Variants in ALPK1 observed in about 807,000 individuals in gnomAD.
ALPK1 encodes alpha-protein kinase 1.
Under a neutral mutation model 120.6 loss-of-function variants are expected in ALPK1, and 110 were observed. The ratio of observed to expected loss-of-function variants is 0.91; its 90% confidence interval spans 0.78 to 1.07. The LOEUF is 1.07. Ranked by LOEUF, ALPK1 falls within the 50% of genes least tolerant of loss-of-function variation. The probability of loss-of-function intolerance (pLI) is 0.00; values close to 1 mark genes in which losing one functional copy is unlikely to be tolerated. For missense variants in ALPK1, 1,498 were observed against 1,483.9 expected (o/e 1.01, Z -0.16); for synonymous variants, 582 against 560.3 (o/e 1.04, Z -0.55).
At chr4:112,359,129 G>C in intron 2 of ALPK1, 1 of 699,768 alleles carries the variant, frequency 1.4e-6, no homozygotes, top group Non-Finnish European at 2.7e-6. Flanking sequence ...CTGTGGCCCA[G>C]CAGCTGGATC....
intron 2 of ALPK1, among the ~76,000 whole-genome samples, chr4:112,322,032 A>G (rs1728887553): frequency 6.6e-6 from 1 of 152,218 alleles, no homozygotes; most frequent in Non-Finnish European, 1.5e-5. Flanking sequence ...CAGAAATTGC[A>G]GAAAACCGTC....
intron 2 of ALPK1, among the ~76,000 whole-genome samples, chr4:112,347,473 C>A (rs944680972): frequency 2.6e-5 from 4 of 152,296 alleles, no homozygotes; most frequent in Non-Finnish European, 1.5e-5. Context: ...ATAATAAATA[C>A]CTTTTCTTCT....
At chr4:112,428,323 C>T (rs1734332570) in intron 9 of ALPK1, among the ~76,000 whole-genome samples, 1 of 152,214 alleles carries the variant, frequency 6.6e-6, no homozygotes, top group Admixed American at 6.5e-5. Flanking sequence ...TGCTGCTCTT[C>T]ACACTGTGCT....
At chr4:112,303,746 A>G (rs910464651) in intron 1 of ALPK1, among the ~76,000 whole-genome samples, 2 of 151,220 alleles carry the variant, frequency 1.3e-5, no homozygotes, top group Non-Finnish European at 2.9e-5. Flanking sequence ...TTTAAGTTCT[A>G]GGGTACATGT....
At chr4:112,405,494 T>C (rs1308099236) in intron 4 of ALPK1, among the ~76,000 whole-genome samples, 1 of 152,166 alleles carries the variant, frequency 6.6e-6, no homozygotes. Flanking sequence ...AATTTTCTCA[T>C]TATAATGAAG....
chr4:112,422,005 T>G (rs1161278132), intron 5 of ALPK1, among the ~76,000 whole-genome samples: 2 of 152,140 alleles, frequency 1.3e-5, no homozygotes, highest in African/African-American at 4.8e-5. Flanking sequence ...TTAAGTAAAA[T>G]ACGGGTGACT....
intron 1 of ALPK1, among the ~76,000 whole-genome samples, chr4:112,305,291 T>G (rs1229767582): frequency 2.0e-5 from 3 of 152,022 alleles, no homozygotes; most frequent in Non-Finnish European, 4.4e-5. Context: ...GTGAAGAAAG[T>G]CATTGGTAGC....
Position 112,416,162 on chromosome 4 carries a change from C to A in ALPK1, c.475+4137C>A, listed in dbSNP as rs1045848281. On this transcript the variant is annotated intron_variant, in intron 5 of 15. Transcript: ENST00000650871. ...ATTCCGATTCAGTAGATCTCTGGTA[C>A]GGCCTGAGATGCTGCTGTTCTGTGA... 2.6e-5 allele frequency among the ~76,000 whole-genome samples: 4 copies of A among 152,118 alleles called. No homozygotes were observed. In the South Asian group the frequency reaches 8.3e-4, roughly 32 times the overall value.
chr4:112,310,699 C>G (rs944901206), intron 1 of ALPK1, among the ~76,000 whole-genome samples: 14 of 152,120 alleles, frequency 9.2e-5, no homozygotes, highest in Admixed American at 2.0e-4. Context: ...AAGTTAATCA[C>G]TAATGGCCTT....
At chr4:112,338,651 A>G (rs574025031) in intron 2 of ALPK1, among the ~76,000 whole-genome samples, 2 of 152,322 alleles carry the variant, frequency 1.3e-5, no homozygotes, top group East Asian at 3.9e-4. Context: ...GAAGGCTGCA[A>G]ATAAAGTCAT....
intron 4 of ALPK1, among the ~76,000 whole-genome samples, chr4:112,404,651 G>T (rs1733083915): frequency 6.6e-6 from 1 of 152,020 alleles, no homozygotes; most frequent in South Asian, 2.1e-4. Flanking sequence ...CTGTAATCTG[G>T]GGGTCACTTT....
chr4:112,424,173 C>T (rs1274282555), intron 6 of ALPK1, among the ~76,000 whole-genome samples, 170 bp downstream of exon 6: 1 of 147,294 alleles, frequency 6.8e-6, no homozygotes, highest in Non-Finnish European at 1.5e-5. Flanking sequence ...CAGCTTACAT[C>T]TCTGTGTCTC....
At chr4:112,386,746 T>TG (rs1732170190) in intron 4 of ALPK1, among the ~76,000 whole-genome samples, 1 of 152,188 alleles carries the variant, frequency 6.6e-6, no homozygotes, top group Non-Finnish European at 1.5e-5. Flanking sequence ...CATTGTACTG[T>TG]GGGAAAAAGA....
chr4:112,342,027 C>T (rs1434315574), intron 2 of ALPK1, among the ~76,000 whole-genome samples: 1 of 152,128 alleles, frequency 6.6e-6, no homozygotes, highest in Non-Finnish European at 1.5e-5. Flanking sequence ...TGTGCTGAAA[C>T]TCAGCTTGCC....
Position 112,431,160 on chromosome 4 carries a change from A to G in ALPK1, c.1613A>G (p.Asn538Ser). 6.2e-7 allele frequency: 1 copy of G among 1,614,164 alleles called. No homozygotes were observed. The highest frequency in any genetic ancestry group is 8.5e-7 in the Non-Finnish European group (1 of 1,180,028). ...QRELRRGGRRNWTHSDAFRVS... is the reference protein window; with the variant it reads ...QRELRRGGRRSWTHSDAFRVS... Reference sequence around the variant, plus strand: ...GAACTCAGAAGGGGAGGAAGGAGAAACTGGACCCATTCTGATGCATTTCGA... The same window carrying G: ...GAACTCAGAAGGGGAGGAAGGAGAAGCTGGACCCATTCTGATGCATTTCGA... The change falls in exon 11 of 16, where the codon AAC becomes AGC. Residue 538 changes from asparagine (N) to serine (S), a missense_variant. Physicochemically the swap from Asn to Ser is conservative, Grantham distance 46. Transcript: ENST00000650871.
intron 5 of ALPK1, among the ~76,000 whole-genome samples, chr4:112,415,793 A>G (rs1733722095): frequency 6.6e-6 from 1 of 152,222 alleles, no homozygotes; most frequent in African/African-American, 2.4e-5. Context: ...AAGAGCACAG[A>G]ACACCCTCCC....
intron 2 of ALPK1, among the ~76,000 whole-genome samples, chr4:112,340,634 T>TC (rs1729820463): frequency 1.3e-5 from 2 of 152,164 alleles, no homozygotes. Flanking sequence ...CAGAGTAGAT[T>TC]CCCCCCTCAA....
At chr4:112,307,318 G>T (rs1364981264) in intron 1 of ALPK1, among the ~76,000 whole-genome samples, 1 of 151,986 alleles carries the variant, frequency 6.6e-6, no homozygotes, top group Admixed American at 6.6e-5. Context: ...TTAACTTTCT[G>T]TCTCGTTGAT....
intron 1 of ALPK1, among the ~76,000 whole-genome samples, chr4:112,300,542 G>A (rs369240912): frequency 4.6e-5 from 7 of 152,002 alleles, no homozygotes; most frequent in Middle Eastern, 3.4e-3. Flanking sequence ...AAGAGAGGAC[G>A]GAGTCTCAGT....
Sources: allele counts gnomAD v4.1 joint callset (sites outside exome capture counted in the v4.1 genomes callset), GRCh38; gene constraint gnomAD v4.1.1; transcripts MANE v1.5; gene names NCBI Gene and HGNC (gene_info 2026-07-23, HGNC 2026-07-21).